CUX1: variants seen among roughly 807,000 people sequenced by gnomAD.
CUX1 encodes the protein cut like homeobox 1, also known as protein CASP.
A neutral mutation model predicts 158.8 loss-of-function variants in CUX1; 31 were observed. The ratio of observed to expected loss-of-function variants is 0.20; its 90% confidence interval spans 0.15 to 0.26. CUX1 has a LOEUF of 0.26. Among genes scored for constraint, CUX1 ranks in the 10% least tolerant of loss-of-function variants. CUX1 has a pLI of 1.00. For synonymous variants in CUX1, 879 were observed against 862.1 expected, an observed-to-expected ratio of 1.02 and a Z score of -0.34; for missense variants, 1,589 against 2,014.6, an observed-to-expected ratio of 0.79 and a Z score of 4.04.
intron 8 of CUX1, among the ~76,000 whole-genome samples, chr7:102,139,229 A>G (rs1204649027): frequency 7.0e-6 from 1 of 143,372 alleles, no homozygotes; most frequent in African/African-American, 2.6e-5. Flanking sequence ...TGGGCAACAG[A>G]GAGAGACTAC....
chr7:102,189,901 C>A, intron 12 of CUX1, 30 bp downstream of exon 12: 1 of 1,610,186 alleles, frequency 6.2e-7, no homozygotes, highest in Non-Finnish European at 8.5e-7. Flanking sequence ...TGGCCCCTCA[C>A]ACGCTGGGGC....
At chr7:101,857,253 A>G (rs1796952232) in intron 1 of CUX1, among the ~76,000 whole-genome samples, 1 of 152,230 alleles carries the variant, frequency 6.6e-6, no homozygotes. Context: ...CCTACAGGGC[A>G]TTTTGCCTGT....
At position 101,934,351 on chromosome 7, in the gene CUX1, G is replaced by A. The variant is rs192067360; in HGVS notation, c.141+18126G>A. On this transcript the variant is annotated intron_variant, in intron 2 of 23. Coordinates refer to ENST00000292535, the MANE Select transcript of CUX1 (RefSeq NM_181552.4). Reference sequence around the variant, plus strand: ...AGTTGCCACCTTTTCACTATAATGCGCTCCCATTATCAGAGATGTTTATTC... The same window carrying A: ...AGTTGCCACCTTTTCACTATAATGCACTCCCATTATCAGAGATGTTTATTC... 1.4e-4 allele frequency among the ~76,000 whole-genome samples: 21 copies of A among 152,182 alleles called. No homozygotes were observed. In the East Asian group the frequency reaches 3.9e-3, roughly 28 times the overall value.
chr7:101,912,432 G>A (rs1346580759), intron 1 of CUX1, among the ~76,000 whole-genome samples: 2 of 152,104 alleles, frequency 1.3e-5, no homozygotes, highest in African/African-American at 2.4e-5. Context: ...AGAGGCTCAC[G>A]TGTCCCACAC....
chr7:102,019,690 C>G (rs1424908586), intron 2 of CUX1, among the ~76,000 whole-genome samples: 1 of 152,184 alleles, frequency 6.6e-6, no homozygotes, highest in East Asian at 1.9e-4. Context: ...CCAGCCCTTC[C>G]CGTGGTGGAG....
chr7:101,823,662 A>G (rs912245757), intron 1 of CUX1, among the ~76,000 whole-genome samples: 1 of 152,122 alleles, frequency 6.6e-6, no homozygotes, highest in Non-Finnish European at 1.5e-5. Flanking sequence ...TCTTATAGAT[A>G]CCTTTCTATT....
chr7:102,144,817 A>G (rs918025968), intron 8 of CUX1, among the ~76,000 whole-genome samples: 2 of 151,966 alleles, frequency 1.3e-5, no homozygotes, highest in African/African-American at 2.4e-5. Flanking sequence ...GCTGGGCGCA[A>G]TGGCTCACGT....
At chr7:101,888,720 G>C (rs897509114) in intron 1 of CUX1, among the ~76,000 whole-genome samples, 2 of 152,050 alleles carry the variant, frequency 1.3e-5, no homozygotes, top group African/African-American at 4.8e-5. Flanking sequence ...CTCCTGAGTA[G>C]CTGAGATTAC....
At chr7:101,960,878 T>G (rs1810390420) in intron 2 of CUX1, 1 of 152,202 alleles carries the variant, frequency 6.6e-6, no homozygotes, top group Non-Finnish European at 1.5e-5. Context: ...CTTTGCCAGT[T>G]CCAGTGCCAG....
At chr7:101,951,513 T>C (rs1809051091) in intron 2 of CUX1, among the ~76,000 whole-genome samples, 2 of 151,896 alleles carry the variant, frequency 1.3e-5, no homozygotes, top group Admixed American at 6.6e-5. Flanking sequence ...CTTTTTCCTT[T>C]TTTTTTTTTC....
intron 2 of CUX1, among the ~76,000 whole-genome samples, chr7:102,022,543 G>A (rs958220264): frequency 4.0e-5 from 6 of 151,796 alleles, no homozygotes; most frequent in African/African-American, 7.3e-5. Flanking sequence ...GCTCGTGCCC[G>A]GGAGGTCACG....
chr7:102,134,632 C>A (rs1285945710), intron 8 of CUX1, among the ~76,000 whole-genome samples: 2 of 152,166 alleles, frequency 1.3e-5, no homozygotes, highest in Non-Finnish European at 2.9e-5. Flanking sequence ...GGATCCAGCT[C>A]TGTTGCCCAG....
intron 2 of CUX1, among the ~76,000 whole-genome samples, chr7:101,971,106 G>A (rs1016311006): frequency 2.0e-5 from 3 of 152,200 alleles, no homozygotes; most frequent in Non-Finnish European, 2.9e-5. Flanking sequence ...TTCCATCTGG[G>A]GAGACTGAGG....
chr7:102,029,556 G>A (rs12672026), intron 3 of CUX1, among the ~76,000 whole-genome samples: 55,975 of 151,928 alleles, frequency 0.37, 11,656 homozygotes, highest in East Asian at 0.96. Context: ...CAGGGCGATT[G>A]TAGCCAAAGA....
chr7:102,088,474 A>T (rs1345604750), intron 4 of CUX1, among the ~76,000 whole-genome samples: 6 of 152,012 alleles, frequency 3.9e-5, no homozygotes, highest in Admixed American at 2.0e-4. Context: ...TCTCTACTAG[A>T]AAAACAAGAA....
chr7:101,902,625 T>A (rs949785574), intron 1 of CUX1, among the ~76,000 whole-genome samples: 6 of 152,194 alleles, frequency 3.9e-5, no homozygotes, highest in African/African-American at 1.4e-4. Flanking sequence ...CCACTACAAA[T>A]CTCCCAAGTC....
intron 2 of CUX1, among the ~76,000 whole-genome samples, chr7:101,949,281 G>T (rs971127310): frequency 2.0e-5 from 3 of 151,254 alleles, no homozygotes; most frequent in African/African-American, 7.3e-5. Flanking sequence ...ACAGGCGCCC[G>T]CCACCACGCC....
At chr7:102,224,488 A>T (rs1337633092) in intron 20 of CUX1, among the ~76,000 whole-genome samples, 3 of 151,942 alleles carry the variant, frequency 2.0e-5, no homozygotes, top group African/African-American at 7.3e-5. Context: ...TGCATTTTAG[A>T]CTCAGATTGA....
intron 14 of CUX1, chr7:102,264,951 G>T (rs556792474): frequency 6.6e-6 from 1 of 152,244 alleles, no homozygotes; most frequent in Non-Finnish European, 1.5e-5. Context: ...CTTTCCAAGG[G>T]CACCCCGAAT....
Sources: allele counts gnomAD v4.1 joint callset (sites outside exome capture counted in the v4.1 genomes callset), GRCh38; gene constraint gnomAD v4.1.1; transcripts MANE v1.5; gene names NCBI Gene and HGNC (gene_info 2026-07-23, HGNC 2026-07-21).